The following ST18 variants were observed in gnomAD, a reference collection of about 807,000 sequenced individuals.
ST18 encodes the protein suppression of tumorigenicity 18 protein.
In ST18, 50 loss-of-function variants were observed where a neutral mutation model predicts 110.0. The observed-to-expected ratio is 0.45, with a 90% CI of 0.36 to 0.58. The LOEUF is 0.58. Ranked by LOEUF, ST18 falls within the 20% of genes least tolerant of loss-of-function variation. The pLI, the probability that ST18 is intolerant of heterozygous loss-of-function variation, is 0.00. For synonymous variants in ST18, 461 were observed against 452.4 expected (o/e 1.02, Z -0.24); for missense variants, 1,306 against 1,280.1 (o/e 1.02, Z -0.31).
intron 2 of ST18, among the ~76,000 whole-genome samples, chr8:52,334,785 A>C (rs1231962391): frequency 1.3e-5 from 2 of 152,164 alleles, no homozygotes; most frequent in Non-Finnish European, 2.9e-5. Flanking sequence ...ACTGGATCGA[A>C]CCAGCTCACC....
chr8:52,312,204 G>A (rs950849110), intron 2 of ST18, among the ~76,000 whole-genome samples: 14 of 152,116 alleles, frequency 9.2e-5, no homozygotes, highest in Non-Finnish European at 1.9e-4. Context: ...ATCTATATCC[G>A]ATTTACTAGG....
At chr8:52,184,933 G>A (rs1329590429) in intron 8 of ST18, among the ~76,000 whole-genome samples, 1 of 152,088 alleles carries the variant, frequency 6.6e-6, no homozygotes, top group African/African-American at 2.4e-5. Flanking sequence ...AAGGGGCCAA[G>A]AAGTATGAAT....
At chr8:52,176,722 A>G (rs1458241534) in intron 9 of ST18, among the ~76,000 whole-genome samples, 3 of 152,246 alleles carry the variant, frequency 2.0e-5, no homozygotes, top group Admixed American at 1.3e-4. Context: ...GAATCCCGGC[A>G]TAGATGTTGG....
intron 2 of ST18, among the ~76,000 whole-genome samples, chr8:52,264,290 C>G (rs984614100): frequency 1.3e-5 from 2 of 152,166 alleles, no homozygotes; most frequent in Non-Finnish European, 2.9e-5. Flanking sequence ...GAGATGCCTT[C>G]TTCTTATCAA....
chr8:52,199,970 T>C (rs976671088), intron 8 of ST18, among the ~76,000 whole-genome samples: 3 of 152,222 alleles, frequency 2.0e-5, no homozygotes, highest in African/African-American at 7.2e-5. Context: ...AAATGTCGTA[T>C]AGGAATTACC....
At chr8:52,162,788 C>A (rs940766854) in intron 13 of ST18, among the ~76,000 whole-genome samples, 3 of 152,030 alleles carry the variant, frequency 2.0e-5, no homozygotes, top group Non-Finnish European at 2.9e-5. Context: ...ACAAATATAC[C>A]TTTCAAAATT....
chr8:52,130,168 AG>A (rs1020717328), intron 22 of ST18, among the ~76,000 whole-genome samples: 1 of 130,990 alleles, frequency 7.6e-6, no homozygotes, highest in African/African-American at 2.9e-5. Flanking sequence ...AGAAAGAAAA[AG>A]AAAAGAAAAT....
chr8:52,238,342 A>T (rs2092967499), intron 2 of ST18, among the ~76,000 whole-genome samples: 1 of 152,334 alleles, frequency 6.6e-6, no homozygotes, highest in South Asian at 2.1e-4. Context: ...AGGAAAAAAA[A>T]GGTAGTATAT....
chr8:52,198,302 G>A (rs1156775374), intron 8 of ST18, among the ~76,000 whole-genome samples: 1 of 152,144 alleles, frequency 6.6e-6, no homozygotes, highest in Non-Finnish European at 1.5e-5. Context: ...ACTGCGCCCG[G>A]CCGTGGCTGT....
chr8:52,200,499 G>A (rs115055905), intron 8 of ST18, among the ~76,000 whole-genome samples: 1,613 of 152,268 alleles, frequency 0.011, 29 homozygotes, highest in African/African-American at 0.037. Context: ...TGGGTAGGGG[G>A]CAATGAACAG....
At position 52,381,218 on chromosome 8, in the gene ST18, C is replaced by T. The variant is rs552877708; in HGVS notation, c.-465+28110G>A. ...CTACCTGCGGACTAAAAACCAGTAC[C>T]TGCCACATGCTTTTGGAACCCTATA... On this transcript the variant is annotated intron_variant, in intron 2 of 25. Transcript: ENST00000689386. Among the ~76,000 whole-genome samples the T allele has an allele frequency of 3.3e-5, 5 of 152,270 alleles. No individual in the cohort carries two copies. The East Asian group carries it at 9.7e-4, about 29-fold the overall frequency.
At chr8:52,243,246 T>A (rs1363680448) in intron 2 of ST18, among the ~76,000 whole-genome samples, 1 of 152,220 alleles carries the variant, frequency 6.6e-6, no homozygotes, top group African/African-American at 2.4e-5. Flanking sequence ...AAAAAGTTCA[T>A]GGAGTTATAG....
chr8:52,226,497 C>T (rs1396954423), intron 3 of ST18, among the ~76,000 whole-genome samples: 1 of 152,096 alleles, frequency 6.6e-6, no homozygotes, highest in Admixed American at 6.5e-5. Context: ...CTTTAATTTT[C>T]TGTAATATTA....
intron 9 of ST18, among the ~76,000 whole-genome samples, chr8:52,177,797 C>T (rs1440300755): frequency 6.6e-6 from 1 of 152,158 alleles, no homozygotes; most frequent in Non-Finnish European, 1.5e-5. Flanking sequence ...GATCCATTAC[C>T]TTCAGCGTCA....
chr8:52,234,579 C>T (rs1325268578), intron 2 of ST18, among the ~76,000 whole-genome samples: 1 of 152,066 alleles, frequency 6.6e-6, no homozygotes, highest in Non-Finnish European at 1.5e-5. Context: ...TACAGCAACC[C>T]CACTACTGGG....
At chr8:52,323,772 C>T (rs1444668997) in intron 2 of ST18, among the ~76,000 whole-genome samples, 1 of 152,170 alleles carries the variant, frequency 6.6e-6, no homozygotes, top group Non-Finnish European at 1.5e-5. Context: ...GGTTTGCTCC[C>T]ACACCACTCC....
At chr8:52,382,138 G>C (rs1834814864) in intron 2 of ST18, among the ~76,000 whole-genome samples, 1 of 152,062 alleles carries the variant, frequency 6.6e-6, no homozygotes, top group African/African-American at 2.4e-5. Context: ...AAACCTTCTG[G>C]CACCCAAACC....
In ST18 at chr8:52,113,124, T is replaced by G; in HGVS notation, c.*74A>C. The G allele has an allele frequency of 6.3e-7, 1 of 1,582,774 alleles. No homozygotes were observed. Among genetic ancestry groups the G allele is most frequent in the Non-Finnish European group, 8.6e-7 (1 of 1,164,112 alleles). On this transcript the variant is annotated 3_prime_UTR_variant, in exon 26 of 26. Coordinates refer to ENST00000689386, the MANE Select transcript of ST18 (RefSeq NM_001352837.2). ...TACGGCAACCTCCACGCCTTAGCAG[T>G]ACATGAACCTCTAACAGATCCATCT...
intron 5 of ST18, 115 bp from the exon 6 acceptor site, chr8:52,218,016 G>C (rs1045332730): frequency 1.3e-5 from 2 of 152,050 alleles, no homozygotes; most frequent in Non-Finnish European, 2.9e-5. Context: ...ATTTCCCTTA[G>C]ATTTTATTTT....
Sources: allele counts gnomAD v4.1 joint callset (sites outside exome capture counted in the v4.1 genomes callset), GRCh38; gene constraint gnomAD v4.1.1; transcripts MANE v1.5; gene names NCBI Gene and HGNC (gene_info 2026-07-23, HGNC 2026-07-21).